PHACTR3: variants seen among roughly 807,000 people sequenced by gnomAD.
The protein encoded by PHACTR3 is protein phosphatase 1, regulatory subunit 123.
Under a neutral mutation model 66.8 loss-of-function variants are expected in PHACTR3, and 16 were observed. That is an observed-to-expected ratio of 0.24 (90% CI 0.16 to 0.36). The LOEUF is 0.36. PHACTR3 is among the 10% of genes least tolerant of loss of function. The pLI, the probability that PHACTR3 is intolerant of heterozygous loss-of-function variation, is 1.00. For missense variants in PHACTR3, 647 were observed against 719.9 expected, an observed-to-expected ratio of 0.90 and a Z score of 1.16; for synonymous variants, 323 against 292.1, an observed-to-expected ratio of 1.11 and a Z score of -1.08.
chr20:59,741,754 CTTTTT>C (rs5842281), intron 1 of PHACTR3, among the ~76,000 whole-genome samples: 2 of 139,392 alleles, frequency 1.4e-5, no homozygotes, highest in African/African-American at 5.4e-5. Flanking sequence ...TTCTTTCTTT[CTTTTT>C]TTTTTTTTTT....
At chr20:59,757,852 C>A (rs183064208) in intron 4 of PHACTR3, among the ~76,000 whole-genome samples, 2 of 152,262 alleles carry the variant, frequency 1.3e-5, no homozygotes, top group East Asian at 3.9e-4. Flanking sequence ...CACCTGTAGT[C>A]CTAGCTACTC....
At chr20:59,645,225 T>C (rs1228385709) in intron 1 of PHACTR3, among the ~76,000 whole-genome samples, 1 of 147,686 alleles carries the variant, frequency 6.8e-6, no homozygotes, top group East Asian at 2.0e-4. Flanking sequence ...GCAGATCTTT[T>C]TTTTTTTTTT....
At chr20:59,703,562 A>G (rs1408127058) in intron 1 of PHACTR3, among the ~76,000 whole-genome samples, 1 of 152,202 alleles carries the variant, frequency 6.6e-6, no homozygotes, top group Non-Finnish European at 1.5e-5. Flanking sequence ...ATTTTAAACC[A>G]AAGTTTCATT....
At chr20:59,729,426 C>A (rs567240672) in intron 1 of PHACTR3, among the ~76,000 whole-genome samples, 29 of 152,082 alleles carry the variant, frequency 1.9e-4, no homozygotes, top group Non-Finnish European at 4.0e-4. Context: ...AGTGAGGGGG[C>A]AGTGGGCAAA....
At chr20:59,833,743 C>T (rs776450826) in intron 8 of PHACTR3, among the ~76,000 whole-genome samples, 1 of 152,022 alleles carries the variant, frequency 6.6e-6, no homozygotes, top group African/African-American at 2.4e-5. Context: ...GCCAGCATCG[C>T]GGACAGTGAA....
Position 59,743,380 on chromosome 20 carries a change from G to A in PHACTR3, c.280+112G>A, listed in dbSNP as rs569630747. On this transcript the variant is annotated intron_variant, in intron 2 of 12. Coordinates refer to ENST00000371015, the MANE Select transcript of PHACTR3 (RefSeq NM_080672.5). ...TCCTGGCCCCTACACAGGAGGGGCA[G>A]ATGTGCTTCATGGCCTGTGATGGCC... 13 of 1,345,806 alleles carry A rather than the reference G, an allele frequency of 9.7e-6. No homozygotes were observed. The East Asian group carries it at 2.8e-4, about 29-fold the overall frequency. 83.4% of individuals were successfully genotyped at this position (1,345,806 alleles called of 1,614,324 possible).
chr20:59,845,970 A>G (rs1483140128), intron 12 of PHACTR3, among the ~76,000 whole-genome samples: 1 of 152,160 alleles, frequency 6.6e-6, no homozygotes, highest in Non-Finnish European at 1.5e-5. Context: ...ATTGAACTGC[A>G]TATTTTTTCA....
intron 1 of PHACTR3, among the ~76,000 whole-genome samples, chr20:59,709,440 C>T (rs2037834606): frequency 6.6e-6 from 1 of 152,166 alleles, no homozygotes; most frequent in African/African-American, 2.4e-5. Flanking sequence ...ACCTTTTTGG[C>T]TTTCTTTTGT....
intron 8 of PHACTR3, among the ~76,000 whole-genome samples, chr20:59,821,617 C>G (rs1164200904): frequency 3.9e-5 from 6 of 152,182 alleles, no homozygotes; most frequent in Non-Finnish European, 8.8e-5. Context: ...GGGTAGGAAA[C>G]TCGCGGCTTC....
chr20:59,585,031 C>G (rs1014585535), intron 1 of PHACTR3, among the ~76,000 whole-genome samples: 3 of 152,110 alleles, frequency 2.0e-5, no homozygotes, highest in Non-Finnish European at 2.9e-5. Flanking sequence ...AGGGGGAGTA[C>G]AGTTCAGCCC....
At chr20:59,673,500 C>T (rs73915044) in intron 1 of PHACTR3, among the ~76,000 whole-genome samples, 8,027 of 152,214 alleles carry the variant, frequency 0.053, 338 homozygotes, top group African/African-American at 0.11. Context: ...TTCTCTTAGA[C>T]CTGCTCACAG....
chr20:59,620,959 T>C (rs1275703221), intron 1 of PHACTR3, among the ~76,000 whole-genome samples: 2 of 152,236 alleles, frequency 1.3e-5, no homozygotes, highest in Non-Finnish European at 2.9e-5. Flanking sequence ...GACGCCTGCA[T>C]GTATGTTTAT....
chr20:59,795,888 A>C (rs1481418691), intron 7 of PHACTR3, among the ~76,000 whole-genome samples: 1 of 152,114 alleles, frequency 6.6e-6, no homozygotes, highest in Non-Finnish European at 1.5e-5. Context: ...TATAGGCAGC[A>C]TACAATTAGG....
chr20:59,817,384 C>T (rs2041917496), intron 8 of PHACTR3, among the ~76,000 whole-genome samples: 1 of 152,230 alleles, frequency 6.6e-6, no homozygotes, highest in African/African-American at 2.4e-5. Flanking sequence ...GGTGAGGATA[C>T]TCCAGAAGCC....
intron 5 of PHACTR3, among the ~76,000 whole-genome samples, chr20:59,770,081 G>A (rs997846080): frequency 1.3e-5 from 2 of 152,270 alleles, no homozygotes; most frequent in African/African-American, 2.4e-5. Context: ...CCAAGCTTGG[G>A]AAGGTCGAGC....
chr20:59,766,026 C>T (rs756340702), intron 4 of PHACTR3, among the ~76,000 whole-genome samples: 1 of 152,256 alleles, frequency 6.6e-6, no homozygotes, highest in Non-Finnish European at 1.5e-5. Flanking sequence ...GGGAGACCAT[C>T]TCTCTTGGAT....
intron 7 of PHACTR3, among the ~76,000 whole-genome samples, chr20:59,793,254 G>A (rs2041158139): frequency 6.6e-6 from 1 of 152,156 alleles, no homozygotes; most frequent in Non-Finnish European, 1.5e-5. Context: ...CAAGATTGCT[G>A]TAAATATTCA....
intron 4 of PHACTR3, among the ~76,000 whole-genome samples, chr20:59,756,777 C>G (rs560635306): frequency 6.6e-6 from 1 of 152,028 alleles, no homozygotes; most frequent in Non-Finnish European, 1.5e-5. Context: ...CACCCATTAA[C>G]TCGTCATTTA....
chr20:59,605,721 G>C (rs1194040383), intron 1 of PHACTR3, among the ~76,000 whole-genome samples: 1 of 152,222 alleles, frequency 6.6e-6, no homozygotes, highest in Non-Finnish European at 1.5e-5. Context: ...TCGTGACAGC[G>C]TGTGGACTCC....
Sources: allele counts gnomAD v4.1 joint callset (sites outside exome capture counted in the v4.1 genomes callset), GRCh38; gene constraint gnomAD v4.1.1; transcripts MANE v1.5; gene names NCBI Gene and HGNC (gene_info 2026-07-23, HGNC 2026-07-21).